The following PARVB variants were observed in gnomAD, a reference collection of about 807,000 sequenced individuals.
PARVB encodes beta-parvin.
PARVB carries 46 observed loss-of-function variants against 47.0 expected under a neutral mutation model. The ratio of observed to expected loss-of-function variants is 0.98; its 90% CI spans 0.77 to 1.25. PARVB has a LOEUF of 1.25. PARVB is among the 50% of genes most tolerant of loss of function. The pLI, the probability that PARVB is intolerant of heterozygous loss-of-function variation, is 0.00. For missense variants in PARVB, 473 were observed against 471.6 expected (o/e 1.00, Z -0.03); for synonymous variants, 196 against 196.3 (o/e 1.00, Z 0.01).
rs367795082 is a variant in PARVB at position 44,026,320 on chromosome 22, G to A, written c.112+1869G>A. 5 of 985,404 alleles carry A rather than the reference G, an allele frequency of 5.1e-6. No individual in the cohort carries two copies. The African/African-American group carries it at 5.2e-5, about 10-fold the overall frequency. 61.0% of individuals were successfully genotyped at this position (985,404 alleles called of 1,614,324 possible). On this transcript the variant is annotated intron_variant, in intron 1 of 12. Coordinates refer to ENST00000338758, the MANE Select transcript of PARVB (RefSeq NM_013327.5). Reference sequence around the variant, plus strand: ...GCATCCTGTGCTGAATAGAACGGGCGTGGAGGCAGGAGGAGGAGCAGGACG... The same window carrying A: ...GCATCCTGTGCTGAATAGAACGGGCATGGAGGCAGGAGGAGGAGCAGGACG...
intron 1 of PARVB, among the ~76,000 whole-genome samples, chr22:44,044,761 C>A (rs758884362): frequency 1.3e-5 from 2 of 152,234 alleles, no homozygotes; most frequent in Non-Finnish European, 2.9e-5. Flanking sequence ...GCTGGGATTA[C>A]AGGCATGAGC....
At chr22:44,036,460 G>A (rs541899085) in intron 1 of PARVB, among the ~76,000 whole-genome samples, 28 of 151,962 alleles carry the variant, frequency 1.8e-4, no homozygotes, top group African/African-American at 3.4e-4. Flanking sequence ...TGCATTTGTC[G>A]CATATCTAAC....
At chr22:44,168,122 G>T (rs572877438) in intron 12 of PARVB, 1 of 163,118 alleles carries the variant, frequency 6.1e-6, no homozygotes, top group South Asian at 1.6e-4. Context: ...CCAAATCACG[G>T]AAGTCACTTA....
intron 1 of PARVB, chr22:44,086,790 C>T: frequency 1.0e-6 from 1 of 985,430 alleles, no homozygotes; most frequent in Non-Finnish European, 1.2e-6. Context: ...TGATAAATTA[C>T]AGCTTCTACG....
intron 5 of PARVB, 39 bp downstream of exon 5, chr22:44,131,666 G>C: frequency 6.4e-7 from 1 of 1,562,124 alleles, no homozygotes; most frequent in East Asian, 2.3e-5. Flanking sequence ...TGTCTGGAGG[G>C]AGCCCGTCCT....
intron 1 of PARVB, among the ~76,000 whole-genome samples, chr22:44,079,082 CCT>C (rs1417690981): frequency 6.6e-6 from 1 of 152,174 alleles, no homozygotes; most frequent in Non-Finnish European, 1.5e-5. Context: ...GTCCTCAAAC[CCT>C]GATTCAGTCG....
At chr22:44,047,427 A>G (rs1208604830) in intron 1 of PARVB, among the ~76,000 whole-genome samples, 1 of 152,152 alleles carries the variant, frequency 6.6e-6, no homozygotes, top group Non-Finnish European at 1.5e-5. Flanking sequence ...TTGGGAGGCC[A>G]AGGCAGGCAG....
intron 1 of PARVB, among the ~76,000 whole-genome samples, chr22:44,047,769 G>A (rs2051139677): frequency 6.6e-6 from 1 of 152,154 alleles, no homozygotes. Flanking sequence ...GGGGAAAGAG[G>A]GGCATAATTC....
chr22:44,131,513 G>A lies in PARVB; in HGVS notation c.403G>A (p.Val135Met), dbSNP rs2053318333. The stretch of plus-strand genomic sequence containing the variant: ...AAAACTGGCAGGGTGCAAGCTGAAT[G>A]TGGCTGAGGTGACACAGTCCGAAAT... ...LEKLAGCKLN[V>M]AEVTQSEIGQ... The change falls in exon 5 of 13, where the codon GTG (valine) becomes ATG (methionine). Residue 135 changes from valine to methionine, a missense_variant. Physicochemically the swap from Val to Met is conservative, Grantham distance 21. Coordinates refer to ENST00000338758, the MANE Select transcript of PARVB (RefSeq NM_013327.5). The A allele has an allele frequency of 6.2e-7, 1 of 1,614,010 alleles. No individual in the cohort carries two copies.
At chr22:44,151,694 A>G (rs981881372) in intron 10 of PARVB, 143 bp downstream of exon 10, 4 of 653,332 alleles carry the variant, frequency 6.1e-6, no homozygotes, top group African/African-American at 5.4e-5. Context: ...AGAAATAACC[A>G]CCGTGGCCTT....
rs1170849334 is a variant in PARVB, at chr22:44,007,690, C to T, written c.211+8017C>T. Reference sequence around the variant, plus strand: ...AAAAGTTTTTTTTTGGTAAAATGCACATAAAATGTACCATTTGAGGTCTAC... The same window carrying T: ...AAAAGTTTTTTTTTGGTAAAATGCATATAAAATGTACCATTTGAGGTCTAC... On this transcript the variant is annotated intron_variant, in intron 2 of 13. Transcript: ENST00000406477. 2.0e-5 allele frequency among the ~76,000 whole-genome samples: 3 copies of T among 152,092 alleles called. No homozygotes were observed. In the East Asian group the frequency reaches 5.8e-4, roughly 29 times the overall value.
rs757502142 is a variant in PARVB at position 44,147,907 on chromosome 22, C to G, written c.759C>G (p.Leu253=). The G allele has an allele frequency of 2.5e-6, 4 of 1,614,002 alleles. No individual in the cohort carries two copies. In the South Asian group the frequency reaches 4.4e-5, roughly 18 times the overall value. Residue 253 remains leucine (L), a synonymous_variant, in exon 9 of 13, where the codon CTC becomes CTG. Coordinates refer to ENST00000338758, the MANE Select transcript of PARVB (RefSeq NM_013327.5). ...DTLFDHAPDK[L]SVVKKSLITF... ...TGTTCGACCACGCCCCGGATAAGCT[C>G]AGCGTGGTGAAGAAGGTGAGCTATT... is the stretch of plus-strand genomic sequence containing the variant.
intron 3 of PARVB, chr22:44,105,979 C>T (rs1350848717): frequency 1.3e-5 from 2 of 152,168 alleles, no homozygotes; most frequent in Non-Finnish European, 2.9e-5. Flanking sequence ...TAGGTATGCA[C>T]CATGATGCCC....
chr22:44,063,874 C>T (rs1325169172), intron 1 of PARVB, among the ~76,000 whole-genome samples: 21 of 152,128 alleles, frequency 1.4e-4, no homozygotes, highest in African/African-American at 4.1e-4. Context: ...CTGGCCGAGC[C>T]GATGTGCTCT....
chr22:44,101,349 G>A (rs1312065941), intron 3 of PARVB, among the ~76,000 whole-genome samples: 1 of 151,852 alleles, frequency 6.6e-6, no homozygotes, highest in African/African-American at 2.4e-5. Flanking sequence ...GGCGGAGCCT[G>A]CAGTGAGCCG....
chr22:44,172,745 G>T lies in PARVB; in HGVS notation c.*4067G>T, dbSNP rs2054280837. ...AAGCAATGTTTACTTTGGATTTCTG[G>T]ATGTTATATAAAAGCCACGAAAACC... is the stretch of plus-strand genomic sequence containing the variant. On this transcript the variant is annotated 3_prime_UTR_variant, in exon 13 of 13. Transcript: ENST00000338758. 1.4e-5 allele frequency: 4 copies of T among 292,286 alleles called. No individual in the cohort carries two copies. The highest frequency in any genetic ancestry group is 1.1e-4 in the South Asian group (4 of 36,676). 18.1% of individuals were successfully genotyped at this position (292,286 alleles called of 1,614,324 possible).
chr22:44,163,266 T>TAGAG (rs1416776940), intron 11 of PARVB, among the ~76,000 whole-genome samples: 2 of 152,076 alleles, frequency 1.3e-5, no homozygotes, highest in African/African-American at 4.8e-5. Flanking sequence ...GCCCAAGAGT[T>TAGAG]AGAGACTAGC....
At chr22:44,080,959 G>A (rs1176770038) in intron 1 of PARVB, among the ~76,000 whole-genome samples, 1 of 152,202 alleles carries the variant, frequency 6.6e-6, no homozygotes, top group Non-Finnish European at 1.5e-5. Flanking sequence ...AAGGGGAATG[G>A]ATGCGGGGAG....
chr22:44,157,890 C>T (rs933966168), intron 10 of PARVB, 92 bp from the exon 11 acceptor site: 1 of 849,466 alleles, frequency 1.2e-6, no homozygotes, highest in Non-Finnish European at 2.0e-6. Context: ...GAGACCCTGT[C>T]TCAGAAGAAA....
Sources: gnomAD v4.1 joint callset for allele counts (sites outside exome capture counted in the v4.1 genomes callset) on GRCh38, gnomAD v4.1.1 for gene constraint, MANE v1.5 for transcripts, NCBI Gene and HGNC (gene_info 2026-07-23, HGNC 2026-07-21) for gene names.